CATSPERD: variants seen among roughly 807,000 people sequenced by gnomAD.
CATSPERD encodes catsper channel auxiliary subunit delta, also known as cation channel sperm-associated auxiliary subunit delta.
In CATSPERD, 86 loss-of-function variants were observed where a neutral mutation model predicts 98.1. The observed-to-expected ratio is 0.88, with a 90% CI of 0.74 to 1.05. The LOEUF (loss-of-function observed/expected upper bound fraction) is 1.05. CATSPERD is among the 50% of genes least tolerant of loss of function. The pLI is 0.00. For missense variants in CATSPERD, 995 were observed against 1,005.7 expected, an observed-to-expected ratio of 0.99 and a Z score of 0.14; for synonymous variants, 394 against 390.2, an observed-to-expected ratio of 1.01 and a Z score of -0.12.
chr19:5,775,624 G>A (rs1599604055), intron 20 of CATSPERD, among the ~76,000 whole-genome samples: 3 of 146,720 alleles, frequency 2.0e-5, no homozygotes, highest in East Asian at 4.0e-4. Context: ...ACTCCAGCCT[G>A]GGCAACAGAG....
intron 16 of CATSPERD, among the ~76,000 whole-genome samples, chr19:5,765,767 G>A (rs1459819036): frequency 1.3e-5 from 2 of 151,898 alleles, no homozygotes; most frequent in Non-Finnish European, 2.9e-5. Flanking sequence ...AGCTGAGACT[G>A]GGCCACTGCA....
At position 5,740,813 on chromosome 19, in the gene CATSPERD, G is replaced by A. The variant is rs1261888668; in HGVS notation, c.573+1374G>A. On this transcript the variant is annotated intron_variant, in intron 7 of 21. Coordinates refer to ENST00000381624, the MANE Select transcript of CATSPERD (RefSeq NM_152784.4). ...CTAGCGCCCAGCCGTGTAGGGACAT[G>A]GTGGCTCACACTTGTAACCCCAGCA... 4.0e-5 allele frequency among the ~76,000 whole-genome samples: 6 copies of A among 150,594 alleles called. No homozygotes were observed. In the East Asian group the frequency reaches 9.7e-4, roughly 24 times the overall value.
Position 5,778,634 on chromosome 19 carries a change from G to C in CATSPERD, c.2355G>C (p.Pro785=). 6.2e-7 allele frequency: 1 copy of C among 1,613,560 alleles called. No individual in the cohort carries two copies. Among genetic ancestry groups the C allele is most frequent in the Non-Finnish European group, 8.5e-7 (1 of 1,180,006 alleles). Residue 785 remains proline, a synonymous_variant, in exon 22 of 22, where the codon CCG becomes CCC. Coordinates refer to ENST00000381624, the MANE Select transcript of CATSPERD (RefSeq NM_152784.4). The part of the protein sequence containing the change: ...SATARAGTEP[P]GRHRTPHGGR... ...CAGCCAGGGCAGGCACAGAGCCCCC[G>C]GGACGCCACCGCACTCCTCACGGAG... is the stretch of plus-strand genomic sequence containing the variant.
chr19:5,722,993 C>T (rs2055525191), intron 1 of CATSPERD, among the ~76,000 whole-genome samples: 1 of 151,710 alleles, frequency 6.6e-6, no homozygotes, highest in African/African-American at 2.4e-5. Flanking sequence ...TCGAGACCAT[C>T]CTGGCTAACA....
In CATSPERD at chr19:5,748,177, G is replaced by A. The variant is rs73920054; in HGVS notation, c.826G>A (p.Val276Ile). 850 of 1,613,776 alleles carry A rather than the reference G, an allele frequency of 5.3e-4. 9 individuals carry two copies. The African/African-American group carries it at 9.6e-3, about 18-fold the overall frequency. The part of the protein sequence containing the change: ...SHNAGQLVDT[V>I]RVKKGDQTLF... ...CCTCCTAGGTCAGCTCGTCGACACC[G>A]TCCGGGTGAAAAAAGGAGACCAGAC... The change falls in exon 10 of 22, where the codon GTC becomes ATC. Residue 276 changes from valine to isoleucine, a missense_variant. Physicochemically the swap from Val to Ile is conservative, Grantham distance 29 (BLOSUM62 3). Coordinates refer to ENST00000381624, the MANE Select transcript of CATSPERD (RefSeq NM_152784.4).
intron 4 of CATSPERD, among the ~76,000 whole-genome samples, chr19:5,733,015 T>C (rs1443674997): frequency 6.6e-6 from 1 of 151,828 alleles, no homozygotes; most frequent in Non-Finnish European, 1.5e-5. Flanking sequence ...TTCTTTTTTT[T>C]TTCAAGACGG....
At chr19:5,750,214 C>G (rs1424188260) in intron 11 of CATSPERD, among the ~76,000 whole-genome samples, 2 of 147,324 alleles carry the variant, frequency 1.4e-5, no homozygotes, top group East Asian at 4.1e-4. Flanking sequence ...CTTGGGTGGC[C>G]AAGGTGGGCG....
intron 2 of CATSPERD, among the ~76,000 whole-genome samples, chr19:5,726,562 T>C (rs1250577105): frequency 6.6e-6 from 1 of 151,642 alleles, no homozygotes; most frequent in Non-Finnish European, 1.5e-5. Flanking sequence ...TTATGTTTTT[T>C]GTAGAGATGT....
chr19:5,740,196 G>A (rs757385268), intron 7 of CATSPERD, among the ~76,000 whole-genome samples: 7 of 149,420 alleles, frequency 4.7e-5, no homozygotes, highest in Non-Finnish European at 8.9e-5. Flanking sequence ...CAGGAGAATC[G>A]CTTGAACCCG....
chr19:5,738,119 A>G (rs556560314), intron 6 of CATSPERD, among the ~76,000 whole-genome samples: 46 of 152,150 alleles, frequency 3.0e-4, no homozygotes, highest in Admixed American at 1.7e-3. Flanking sequence ...CCCAAAACTT[A>G]ATTACTGTCC....
At chr19:5,767,242 A>G (rs1300906452) in intron 17 of CATSPERD, among the ~76,000 whole-genome samples, 27 of 134,678 alleles carry the variant, frequency 2.0e-4, no homozygotes, top group Middle Eastern at 4.5e-3. Context: ...GCGTGAACCC[A>G]GGAGGCGGAA....
At chr19:5,767,412 G>C (rs1257636153) in intron 17 of CATSPERD, among the ~76,000 whole-genome samples, 1 of 149,806 alleles carries the variant, frequency 6.7e-6, no homozygotes, top group African/African-American at 2.5e-5. Flanking sequence ...GGGTCTCTCA[G>C]GTTTTTTTTT....
chr19:5,771,089 G>T lies in CATSPERD; in HGVS notation c.1763+17G>T. On this transcript the variant is annotated intron_variant, in intron 19 of 21. Coordinates refer to ENST00000381624, the MANE Select transcript of CATSPERD (RefSeq NM_152784.4). ...GGTGGAGCTGTAAGACCCCAGGGGG[G>T]TGCTGCAGGGTGGGGACGGTGGCAG... 6.2e-7 allele frequency: 1 copy of T among 1,608,250 alleles called. No homozygotes were observed. Among genetic ancestry groups the T allele is most frequent in the Non-Finnish European group, 8.5e-7 (1 of 1,177,714 alleles).
At chr19:5,744,340 T>C in intron 7 of CATSPERD, 87 bp from the exon 8 acceptor site, 1 of 1,147,842 alleles carries the variant, frequency 8.7e-7, no homozygotes, top group South Asian at 1.3e-5. Context: ...TCCTTCATTG[T>C]AACTTATTAG....
intron 6 of CATSPERD, among the ~76,000 whole-genome samples, chr19:5,738,352 C>CAAAA (rs767298084): frequency 2.0e-4 from 21 of 104,876 alleles, no homozygotes; most frequent in East Asian, 3.5e-4. Flanking sequence ...ACTCAAAATA[C>CAAAA]AAAAAAAAAA....
Position 5,724,308 on chromosome 19 carries a change from C to A in CATSPERD, c.72-500C>A, listed in dbSNP as rs189973403. ...GAACTGCTGACCTCAAGTGATCCACCTGCCTCGGCCTCCCAAAGTGCTGGG... is the reference window on the plus strand; with the variant it reads ...GAACTGCTGACCTCAAGTGATCCACATGCCTCGGCCTCCCAAAGTGCTGGG... On this transcript the variant is annotated intron_variant, in intron 1 of 21. Coordinates refer to ENST00000381624, the MANE Select transcript of CATSPERD (RefSeq NM_152784.4). 2.7e-3 allele frequency among the ~76,000 whole-genome samples: 412 copies of A among 152,124 alleles called. 3 individuals carry two copies. Among genetic ancestry groups the A allele is most frequent in the African/African-American group, 9.6e-3 (401 of 41,578 alleles).
chr19:5,754,385 C>A, intron 13 of CATSPERD, 140 bp downstream of exon 13: 12 of 414,874 alleles, frequency 2.9e-5, no homozygotes, highest in Non-Finnish European at 4.9e-5. Flanking sequence ...TAGAAATTGT[C>A]TCTGTGTCTT....
intron 21 of CATSPERD, among the ~76,000 whole-genome samples, chr19:5,778,167 A>T (rs1253211976): frequency 6.7e-6 from 1 of 149,192 alleles, no homozygotes; most frequent in Non-Finnish European, 1.5e-5. Context: ...AGATCGTGCC[A>T]CTGCACTCCA....
At chr19:5,763,347 A>C in intron 16 of CATSPERD, 54 bp downstream of exon 16, 21 of 1,453,860 alleles carry the variant, frequency 1.4e-5, no homozygotes, top group Non-Finnish European at 1.9e-5. Flanking sequence ...GTTAAGACTC[A>C]TGGAAGCTGG....
Sources: allele counts gnomAD v4.1 joint callset (sites outside exome capture counted in the v4.1 genomes callset), GRCh38; gene constraint gnomAD v4.1.1; transcripts MANE v1.5; gene names NCBI Gene and HGNC (gene_info 2026-07-23, HGNC 2026-07-21).